Variants in SLAIN2 observed in about 807,000 individuals in gnomAD.
The protein encoded by SLAIN2 is SLAIN motif-containing protein 2.
In SLAIN2, 31 loss-of-function variants were observed where a neutral mutation model predicts 56.6. The ratio of observed to expected loss-of-function variants is 0.55; its 90% CI spans 0.41 to 0.74. The LOEUF (loss-of-function observed/expected upper bound fraction) is 0.74, where lower values mean the gene tolerates loss of function less well. Among genes scored for constraint, SLAIN2 ranks in the 30% least tolerant of loss-of-function variants. The pLI is 0.00. For missense variants in SLAIN2, 777 were observed against 754.2 expected, an observed-to-expected ratio of 1.03 and a Z score of -0.35; for synonymous variants, 317 against 284.9, an observed-to-expected ratio of 1.11 and a Z score of -1.13.
At chr4:48,366,763 T>TC (rs994543266) in intron 1 of SLAIN2, among the ~76,000 whole-genome samples, 2 of 152,226 alleles carry the variant, frequency 1.3e-5, no homozygotes, top group Admixed American at 6.5e-5. Context: ...GAGGCTGAGC[T>TC]CCCCATTGGG....
Position 48,422,005 on chromosome 4 carries a change from T to A in SLAIN2, c.1680-6T>A, listed in dbSNP as rs1284095034. 1 of 1,603,842 alleles carries A rather than the reference T, an allele frequency of 6.2e-7. No homozygotes were observed. The highest frequency in any genetic ancestry group is 1.3e-5 in the African/African-American group (1 of 74,674). ...AAATTTTAATTACAAAATTGCTTTA[T>A]TACAGATCCTTGCCAGCTCCTAAAA... On this transcript the variant is annotated splice_polypyrimidine_tract_variant and splice_region_variant and intron_variant, in intron 7 of 7. Coordinates refer to ENST00000264313, the MANE Select transcript of SLAIN2 (RefSeq NM_020846.2).
At chr4:48,386,686 T>C (rs1716109617) in intron 6 of SLAIN2, among the ~76,000 whole-genome samples, 1 of 152,158 alleles carries the variant, frequency 6.6e-6, no homozygotes, top group Admixed American at 6.5e-5. Flanking sequence ...ATACTCACTG[T>C]AGTACTAATA....
intron 6 of SLAIN2, among the ~76,000 whole-genome samples, chr4:48,396,734 A>T (rs1271588257): frequency 6.6e-6 from 1 of 152,194 alleles, no homozygotes; most frequent in Non-Finnish European, 1.5e-5. Flanking sequence ...ATGAACCTGT[A>T]CAATTGTCTA....
rs891508973 is a variant in SLAIN2 at position 48,425,726 on chromosome 4, T to C, written c.*3649T>C. On this transcript the variant is annotated 3_prime_UTR_variant, in exon 8 of 8. Coordinates refer to ENST00000264313, the MANE Select transcript of SLAIN2 (RefSeq NM_020846.2). ...TCAATACATAAGTTTAAACCTGTTA[T>C]ATACTCAGTGCAACAGAAAAACCCA... 11 of 152,174 alleles carry C rather than the reference T, an allele frequency of 7.2e-5. No individual in the cohort carries two copies. The highest frequency in any genetic ancestry group is 1.9e-4 in the African/African-American group (8 of 41,450). The allele number at this position is 152,174 out of a possible 1,614,324, so 9.4% of individuals were successfully genotyped here. A position where few individuals can be genotyped will look rare whatever the true frequency, so the allele number is the denominator to read the frequency against.
At chr4:48,383,525 A>C in intron 5 of SLAIN2, 122 bp from the exon 6 acceptor site, 1 of 945,802 alleles carries the variant, frequency 1.1e-6, no homozygotes, top group Non-Finnish European at 1.5e-6. Context: ...AGTCCTTTGT[A>C]TTTTCTCATC....
chr4:48,405,173 G>A (rs1382133683), intron 6 of SLAIN2, among the ~76,000 whole-genome samples: 11 of 151,950 alleles, frequency 7.2e-5, no homozygotes, highest in African/African-American at 2.7e-4. Flanking sequence ...ATTCTTATAC[G>A]GCAAACGCCC....
intron 1 of SLAIN2, among the ~76,000 whole-genome samples, chr4:48,347,018 G>T (rs901830655): frequency 6.6e-6 from 1 of 151,486 alleles, no homozygotes; most frequent in Non-Finnish European, 1.5e-5. Flanking sequence ...TTCTAAAATG[G>T]CTTTAATTTT....
chr4:48,393,777 C>A (rs1200286151), intron 6 of SLAIN2, among the ~76,000 whole-genome samples: 1 of 151,994 alleles, frequency 6.6e-6, no homozygotes. Context: ...GCCATAGTAA[C>A]TGTATATTGG....
At chr4:48,414,659 TA>T in intron 6 of SLAIN2, among the ~76,000 whole-genome samples, 1 of 128,364 alleles carries the variant, frequency 7.8e-6, no homozygotes, top group Admixed American at 7.9e-5. Context: ...CTGCACCCAC[TA>T]ATGTGTCATC....
In SLAIN2 at chr4:48,425,098, TA is replaced by T. The variant is rs1181847841; in HGVS notation, c.*3024del. 51 of 152,296 alleles carry T rather than the reference TA, an allele frequency of 3.3e-4. No homozygotes were observed. The highest frequency in any genetic ancestry group is 1.2e-3 in the African/African-American group (50 of 41,590). The allele number at this position is 152,296 out of a possible 1,614,324, so 9.4% of individuals were successfully genotyped here. On this transcript the variant is annotated 3_prime_UTR_variant, in exon 8 of 8. Transcript: ENST00000264313. ...CTCAGTTGCCTACACTTGGTTTTAA[TA>T]AATTACTCAGTTGAGTTTTTCTTTA...
chr4:48,352,278 A>G (rs1017886359), intron 1 of SLAIN2, among the ~76,000 whole-genome samples: 6 of 152,186 alleles, frequency 3.9e-5, no homozygotes, highest in African/African-American at 1.4e-4. Flanking sequence ...AAACCAAACT[A>G]TTGAGTCCAC....
intron 4 of SLAIN2, 67 bp downstream of exon 4, chr4:48,379,915 T>C: frequency 7.6e-7 from 1 of 1,314,952 alleles, no homozygotes; most frequent in Non-Finnish European, 1.0e-6. Flanking sequence ...ATATTAAATA[T>C]GTCTTAAAGT....
chr4:48,347,144 T>G (rs1313600603), intron 1 of SLAIN2, among the ~76,000 whole-genome samples: 1 of 151,772 alleles, frequency 6.6e-6, no homozygotes, highest in Non-Finnish European at 1.5e-5. Context: ...CAGAGCCTCA[T>G]GGTTGATAAA....
chr4:48,424,355 GA>G lies in SLAIN2; in HGVS notation c.*2281del, dbSNP rs1717245593. On this transcript the variant is annotated 3_prime_UTR_variant, in exon 8 of 8. Transcript: ENST00000264313. Reference sequence around the variant, plus strand: ...ATTTACTGTGGTTAGTCTTACAGAAGAAATGTGGATTTGATAAACTAGTGCC... The same window carrying G: ...ATTTACTGTGGTTAGTCTTACAGAAGAATGTGGATTTGATAAACTAGTGCC... The G allele has an allele frequency of 6.6e-6, 1 of 152,084 alleles. No homozygotes were observed. Among genetic ancestry groups the G allele is most frequent in the Non-Finnish European group, 1.5e-5 (1 of 67,978 alleles). The allele number at this position is 152,084 out of a possible 1,614,324, so 9.4% of individuals were successfully genotyped here.
At position 48,341,633 on chromosome 4, in the gene SLAIN2, G is replaced by A. The variant is rs569778728; in HGVS notation, c.-107G>A. ...GTGGGGCCTGGTCCTGCTATATGCC[G>A]GCGCCTCGGCTAGAGTGAGCGGCGG... On this transcript the variant is annotated 5_prime_UTR_variant, in exon 1 of 8. Coordinates refer to ENST00000264313, the MANE Select transcript of SLAIN2 (RefSeq NM_020846.2). 2.1e-6 allele frequency: 3 copies of A among 1,437,844 alleles called. No homozygotes were observed. Among genetic ancestry groups the A allele is most frequent in the South Asian group, 1.5e-5 (1 of 68,784 alleles). 89.1% of individuals were successfully genotyped at this position (1,437,844 alleles called of 1,614,324 possible).
chr4:48,374,143 G>A (rs771051760), intron 2 of SLAIN2, among the ~76,000 whole-genome samples: 1 of 152,198 alleles, frequency 6.6e-6, no homozygotes, highest in Non-Finnish European at 1.5e-5. Context: ...CTGGAGAAGA[G>A]TAAGGAAAGG....
chr4:48,400,463 C>T (rs1321133932), intron 6 of SLAIN2, among the ~76,000 whole-genome samples: 1 of 130,346 alleles, frequency 7.7e-6, no homozygotes, highest in Non-Finnish European at 1.5e-5. Context: ...GTGGCATAAT[C>T]TTGGCTCACT....
chr4:48,347,263 T>C (rs2109732237), intron 1 of SLAIN2, among the ~76,000 whole-genome samples: 1 of 152,162 alleles, frequency 6.6e-6, no homozygotes, highest in South Asian at 2.1e-4. Context: ...TGGAAGACAA[T>C]TTTTCTGTGG....
In SLAIN2 at chr4:48,422,372, C is replaced by G. The variant is rs1255455651; in HGVS notation, c.*295C>G. 1 of 266,282 alleles carries G rather than the reference C, an allele frequency of 3.8e-6. No homozygotes were observed. The highest frequency in any genetic ancestry group is 7.1e-6 in the Non-Finnish European group (1 of 140,194). 16.5% of individuals were successfully genotyped at this position (266,282 alleles called of 1,614,324 possible). On this transcript the variant is annotated 3_prime_UTR_variant, in exon 8 of 8. Coordinates refer to ENST00000264313, the MANE Select transcript of SLAIN2 (RefSeq NM_020846.2). ...TATTTGACAGAGGCCAATATCTGGGCAAATACCTAATGGATGCCAAAGAGA... is the reference window on the plus strand; with the variant it reads ...TATTTGACAGAGGCCAATATCTGGGGAAATACCTAATGGATGCCAAAGAGA...
Sources: allele counts gnomAD v4.1 joint callset (sites outside exome capture counted in the v4.1 genomes callset), GRCh38; gene constraint gnomAD v4.1.1; transcripts MANE v1.5; gene names NCBI Gene and HGNC (gene_info 2026-07-23, HGNC 2026-07-21).